The following EBF3 variants were observed in gnomAD, a reference collection of about 807,000 sequenced individuals.
EBF3 encodes the protein EBF transcription factor 3, also known as transcription factor COE3.
In EBF3, 18 loss-of-function variants were observed where a neutral mutation model predicts 77.1. That is an observed-to-expected ratio of 0.23 (90% CI 0.16 to 0.35). The LOEUF (loss-of-function observed/expected upper bound fraction) is 0.35. EBF3 is among the 10% of genes least tolerant of loss of function. The probability of loss-of-function intolerance (pLI) is 1.00; values close to 1 mark genes in which losing one functional copy is unlikely to be tolerated. For synonymous variants in EBF3, 350 were observed against 343.5 expected, an observed-to-expected ratio of 1.02 and a Z score of -0.21; for missense variants, 558 against 860.0, an observed-to-expected ratio of 0.65 and a Z score of 4.39.
chr10:129,953,239 G>A (rs550194548), intron 6 of EBF3, among the ~76,000 whole-genome samples: 2 of 152,270 alleles, frequency 1.3e-5, no homozygotes, highest in Admixed American at 1.3e-4. Context: ...TAAAGACAAT[G>A]TGAAATCACA....
intron 6 of EBF3, among the ~76,000 whole-genome samples, chr10:129,921,068 CAG>C (rs759290188): frequency 6.6e-6 from 1 of 152,200 alleles, no homozygotes; most frequent in Non-Finnish European, 1.5e-5. Flanking sequence ...CCAGCATAGA[CAG>C]AGTCAGCCTC....
intron 6 of EBF3, among the ~76,000 whole-genome samples, chr10:129,881,486 C>A (rs1001282883): frequency 6.6e-6 from 1 of 152,166 alleles, no homozygotes; most frequent in African/African-American, 2.4e-5. Flanking sequence ...ACACGCCAGG[C>A]GCGGCTTTCC....
intron 6 of EBF3, among the ~76,000 whole-genome samples, chr10:129,903,038 A>T (rs12779483): frequency 0.42 from 64,311 of 152,130 alleles, 14,240 homozygotes; most frequent in Admixed American, 0.49. Flanking sequence ...CGCCTACAAG[A>T]CACAGAAGCA....
rs1276870500 is a variant in EBF3, at chr10:129,947,616, G to A, written c.554+9642C>T. Among the ~76,000 whole-genome samples the A allele has an allele frequency of 6.6e-6, 1 of 151,532 alleles. No homozygotes were observed. Among genetic ancestry groups the A allele is most frequent in the Non-Finnish European group, 1.5e-5 (1 of 67,984 alleles). ...CTTATAATAAGTGAAATTGAGCAAT[G>A]CCACTTAAATTCTGAATATAAAGTT... On this transcript the variant is annotated intron_variant, in intron 6 of 16. Coordinates refer to ENST00000440978, the MANE Select transcript of EBF3 (RefSeq NM_001375380.1). The surrounding 1 kb of genome is among the most constrained non-coding windows in gnomAD (Gnocchi z 4.5).
At chr10:129,878,021 C>T (rs1852916817) in intron 6 of EBF3, among the ~76,000 whole-genome samples, 172 bp from the exon 7 acceptor site, 1 of 152,114 alleles carries the variant, frequency 6.6e-6, no homozygotes. Flanking sequence ...CGAGGAGGCA[C>T]CCAGAAATAG....
chr10:129,840,908 G>A lies in EBF3; in HGVS notation c.1497C>T (p.Ala499=), dbSNP rs1849990130. 1 of 1,614,140 alleles carries A rather than the reference G, an allele frequency of 6.2e-7. No individual in the cohort carries two copies. Among genetic ancestry groups the A allele is most frequent in the East Asian group, 2.2e-5 (1 of 44,874 alleles). ...SMNGYGSGAM[A]SLGVPGSPGF... ...CAGGCGAGCCAGGGACCCCTAGACTGGCCATGGCGCCACTTCCATATCCAT... is the reference window on the plus strand; with the variant it reads ...CAGGCGAGCCAGGGACCCCTAGACTAGCCATGGCGCCACTTCCATATCCAT... The change falls in exon 14 of 17, where the codon GCC becomes GCT. Residue 499 remains alanine, a synonymous_variant. Coordinates refer to ENST00000440978, the MANE Select transcript of EBF3 (RefSeq NM_001375380.1).
intron 7 of EBF3, 38 bp downstream of exon 7, chr10:129,877,730 T>A (rs1484083437): frequency 6.4e-7 from 1 of 1,565,994 alleles, no homozygotes. Flanking sequence ...GTATGAAAAG[T>A]CAGGACCACG....
At chr10:129,852,487 G>T (rs1239582228) in intron 10 of EBF3, among the ~76,000 whole-genome samples, 2 of 152,156 alleles carry the variant, frequency 1.3e-5, no homozygotes, top group Non-Finnish European at 2.9e-5. Context: ...CGGGCAGGAG[G>T]CACTGGGATT....
At chr10:129,957,701 G>A (rs987017975) in intron 5 of EBF3, among the ~76,000 whole-genome samples, 1 of 152,194 alleles carries the variant, frequency 6.6e-6, no homozygotes, top group African/African-American at 2.4e-5. Flanking sequence ...TAATTGTCAA[G>A]CTGTTATTTC....
intron 10 of EBF3, among the ~76,000 whole-genome samples, chr10:129,857,787 ACCATGAGCG>A (rs1851355137): frequency 6.6e-6 from 1 of 152,032 alleles, no homozygotes; most frequent in South Asian, 2.1e-4. Flanking sequence ...TGATACCCCC[ACCATGAGCG>A]CCTATGAGAA....
rs775341084 is a variant in EBF3 at position 129,962,195 on chromosome 10, G to A, written c.387C>T (p.Arg129=). The change falls in exon 4 of 17, where the codon CGC becomes CGT. Residue 129 remains arginine, a synonymous_variant. Coordinates refer to ENST00000440978, the MANE Select transcript of EBF3 (RefSeq NM_001375380.1). ...GVRTEQDLYV[R]LIDSMTKQAI... is the part of the protein sequence containing the mutation. Reference sequence around the variant, plus strand: ...CCTGTTTGGTCATTGAATCTATGAGGCGAACATACAGATCTTGCTCTGTTC... The same window carrying A: ...CCTGTTTGGTCATTGAATCTATGAGACGAACATACAGATCTTGCTCTGTTC... 5.0e-6 allele frequency: 8 copies of A among 1,613,966 alleles called. No homozygotes were observed. The East Asian group carries it at 1.3e-4, about 27-fold the overall frequency.
intron 4 of EBF3, among the ~76,000 whole-genome samples, chr10:129,961,965 C>T (rs1859558067): frequency 6.6e-6 from 1 of 152,156 alleles, no homozygotes; most frequent in Non-Finnish European, 1.5e-5. Context: ...TTTAATAAAG[C>T]ATATATGTCC....
intron 6 of EBF3, among the ~76,000 whole-genome samples, chr10:129,896,295 C>G (rs1854368895): frequency 6.6e-6 from 1 of 152,222 alleles, no homozygotes; most frequent in South Asian, 2.1e-4. Flanking sequence ...TAGCAGCCAC[C>G]ATGCAAAAAC....
intron 6 of EBF3, among the ~76,000 whole-genome samples, chr10:129,920,322 C>G (rs111360060): frequency 2.5e-3 from 209 of 85,120 alleles, no homozygotes; most frequent in South Asian, 2.8e-3. Flanking sequence ...GGTCTAGGGC[C>G]AGTATCTCCA....
chr10:129,929,360 C>T (rs1293858921), intron 6 of EBF3, among the ~76,000 whole-genome samples: 1 of 151,938 alleles, frequency 6.6e-6, no homozygotes, highest in Non-Finnish European at 1.5e-5. Context: ...ACCTGCCACC[C>T]ACACCCAGGT....
intron 6 of EBF3, among the ~76,000 whole-genome samples, chr10:129,916,768 A>C (rs558659382): frequency 6.0e-4 from 92 of 152,302 alleles, no homozygotes; most frequent in South Asian, 4.1e-4. Context: ...GCTCCGGCTC[A>C]CGCTCAGCCT....
chr10:129,881,484 G>A (rs1853204648), intron 6 of EBF3, among the ~76,000 whole-genome samples: 1 of 152,208 alleles, frequency 6.6e-6, no homozygotes, highest in African/African-American at 2.4e-5. Context: ...CTACACGCCA[G>A]GCGCGGCTTT....
chr10:129,869,404 C>T (rs531488611), intron 8 of EBF3, among the ~76,000 whole-genome samples: 6 of 152,218 alleles, frequency 3.9e-5, no homozygotes, highest in Admixed American at 6.5e-5. Flanking sequence ...CCCACCACCC[C>T]GCCAGCTCCT....
At chr10:129,867,666 T>G in intron 9 of EBF3, 116 bp downstream of exon 9, 1 of 1,501,572 alleles carries the variant, frequency 6.7e-7, no homozygotes, top group Non-Finnish European at 9.0e-7. Flanking sequence ...AACAGTGCAG[T>G]GTGTTAAAAG....
Sources: gnomAD v4.1 joint callset for allele counts (sites outside exome capture counted in the v4.1 genomes callset) on GRCh38, gnomAD v4.1.1 for gene constraint, Gnocchi (gnomAD v3.1) non-coding constraint, MANE v1.5 for transcripts, NCBI Gene and HGNC (gene_info 2026-07-23, HGNC 2026-07-21) for gene names.